The following ZNF573 variants were observed in gnomAD, a reference collection of about 807,000 sequenced individuals.
The protein encoded by ZNF573 is zinc finger protein 573.
A neutral mutation model predicts 57.4 loss-of-function variants in ZNF573; 41 were observed. The ratio of observed to expected loss-of-function variants is 0.71; its 90% confidence interval spans 0.56 to 0.93. The LOEUF is 0.93. Among genes scored for constraint, ZNF573 ranks in the 40% least tolerant of loss-of-function variants. ZNF573 has a pLI of 0.00. For missense variants in ZNF573, 730 were observed against 794.8 expected (o/e 0.92, Z 0.98); for synonymous variants, 249 against 261.0 (o/e 0.95, Z 0.44).
In ZNF573 at chr19:37,774,192, C is replaced by T. The variant is rs1286375806; in HGVS notation, c.-22-441G>A. On this transcript the variant is annotated intron_variant, in intron 1 of 4. Transcript: ENST00000536220. ...TCGCTCTGTTGCCCAGGCTGGAGTG[C>T]AGTGGTGAGATCTTGGCTCGCTGCA... is the stretch of plus-strand genomic sequence containing the variant. Among the ~76,000 whole-genome samples, 3 of 134,232 alleles carry T rather than the reference C, an allele frequency of 2.2e-5. No homozygotes were observed. In the East Asian group the frequency reaches 6.8e-4, roughly 30 times the overall value. 88.1% of individuals were successfully genotyped at this position (134,232 alleles called of 152,430 possible).
At chr19:37,779,330 A>G (rs948553206) in intron 1 of ZNF573, among the ~76,000 whole-genome samples, 7 of 151,890 alleles carry the variant, frequency 4.6e-5, no homozygotes, top group African/African-American at 1.7e-4. Context: ...ACATTCTCTC[A>G]CGTGCGCACT....
rs1568413366 is a variant in ZNF573 at position 37,738,690 on chromosome 19, A to T, written c.1800T>A (p.His600Gln). The T allele has an allele frequency of 4.3e-6, 7 of 1,611,314 alleles. No homozygotes were observed. The highest frequency in any genetic ancestry group is 5.9e-6 in the Non-Finnish European group (7 of 1,179,110). ...AFKMYGYLTQHQKIHTGGKPY... is the reference protein window; with the variant it reads ...AFKMYGYLTQQQKIHTGGKPY... ...GTTTTCCACCAGTATGAATTTTCTG[A>T]TGTTGGGTAAGGTAGCCATACATTT... is the stretch of plus-strand genomic sequence containing the variant. Residue 600 changes from histidine to glutamine, a missense_variant, in exon 5 of 5, where the codon CAT becomes CAA. Transcript: ENST00000536220.
At chr19:37,766,169 T>C (rs1480507043) in intron 4 of ZNF573, among the ~76,000 whole-genome samples, 1 of 152,170 alleles carries the variant, frequency 6.6e-6, no homozygotes, top group Non-Finnish European at 1.5e-5. Flanking sequence ...GAAAAATAAA[T>C]GTTAGAATTA....
rs939438106 is a variant in ZNF573 at position 37,739,591 on chromosome 19, T to A, written c.899A>T (p.Lys300Met). ...TCCACATTTCTCACATATGTATGGC[T>A]TCTCATCAGTATGAAACTGCCCATG... is the stretch of plus-strand genomic sequence containing the variant. The part of the protein sequence containing the change: ...VEHGQFHTDE[K>M]PYICEKCGKA... The change falls in exon 5 of 5, where the codon AAG becomes ATG. Residue 300 changes from lysine to methionine, a missense_variant. Coordinates refer to ENST00000536220, the MANE Select transcript of ZNF573 (RefSeq NM_001172690.2). 10 of 1,614,084 alleles carry A rather than the reference T, an allele frequency of 6.2e-6. No individual in the cohort carries two copies. Among genetic ancestry groups the A allele is most frequent in the Non-Finnish European group, 8.5e-6 (10 of 1,180,006 alleles).
chr19:37,744,311 A>T (rs898307192), intron 4 of ZNF573, among the ~76,000 whole-genome samples: 4 of 151,904 alleles, frequency 2.6e-5, no homozygotes, highest in Admixed American at 1.3e-4. Flanking sequence ...TGCTGGGCTG[A>T]GTGTTCCTGC....
chr19:37,775,869 A>T (rs1163007523), intron 1 of ZNF573, among the ~76,000 whole-genome samples: 1 of 146,352 alleles, frequency 6.8e-6, no homozygotes, highest in African/African-American at 2.4e-5. Context: ...CCACAAAAGA[A>T]AACAAAAACA....
chr19:37,776,184 C>T (rs1163415859), intron 1 of ZNF573, among the ~76,000 whole-genome samples: 1 of 152,178 alleles, frequency 6.6e-6, no homozygotes, highest in African/African-American at 2.4e-5. Flanking sequence ...CAAAGCAAGA[C>T]TAAGCAAAAA....
chr19:37,763,038 G>A (rs1183523064), intron 4 of ZNF573, among the ~76,000 whole-genome samples: 3 of 151,948 alleles, frequency 2.0e-5, no homozygotes, highest in African/African-American at 7.2e-5. Context: ...CTCCCAAAGT[G>A]CTGGGATTAC....
intron 4 of ZNF573, among the ~76,000 whole-genome samples, chr19:37,759,696 C>T (rs947575548): frequency 1.3e-4 from 20 of 151,958 alleles, no homozygotes; most frequent in Middle Eastern, 6.8e-3. Flanking sequence ...CCACTGCACT[C>T]CAGCCTGGGC....
chr19:37,773,717 A>G lies in ZNF573; in HGVS notation c.13T>C (p.Leu5=). 1 of 1,535,760 alleles carries G rather than the reference A, an allele frequency of 6.5e-7. No homozygotes were observed. Among genetic ancestry groups the G allele is most frequent in the Non-Finnish European group, 8.7e-7 (1 of 1,146,634 alleles). MFPV[L]EPHQVGLIRS... is the part of the protein sequence containing the mutation. Reference sequence around the variant, plus strand: ...ATCAGTCCTACTTGGTGGGGTTCCAATACTGGAAACATTCAAACTCCAGAG... The same window carrying G: ...ATCAGTCCTACTTGGTGGGGTTCCAGTACTGGAAACATTCAAACTCCAGAG... The change falls in exon 2 of 5, where the codon TTG becomes CTG. Residue 5 remains leucine (L), a synonymous_variant. Transcript: ENST00000536220.
chr19:37,774,673 A>G (rs1213238791), intron 1 of ZNF573, among the ~76,000 whole-genome samples: 2 of 152,250 alleles, frequency 1.3e-5, no homozygotes, highest in African/African-American at 4.8e-5. Context: ...GAAAATTAAG[A>G]TGAGAAAACA....
At chr19:37,746,343 T>C (rs2045382312) in intron 4 of ZNF573, among the ~76,000 whole-genome samples, 1 of 152,060 alleles carries the variant, frequency 6.6e-6, no homozygotes, top group African/African-American at 2.4e-5. Flanking sequence ...TACACTGGAG[T>C]TGAATAGATA....
At position 37,738,607 on chromosome 19, in the gene ZNF573, T is replaced by C. The variant is rs777951007; in HGVS notation, c.1883A>G (p.His628Arg). ...TTTCTCACCAGTATGAATTCTCTCATGTTGAACAAGGTTTGAAGCACGACT... is the reference window on the plus strand; with the variant it reads ...TTTCTCACCAGTATGAATTCTCTCACGTTGAACAAGGTTTGAAGCACGACT... ...AFSRASNLVQ[H>R]ERIHTGEKPY... is the part of the protein sequence containing the mutation. The change falls in exon 5 of 5, where the codon CAT becomes CGT. Residue 628 changes from histidine to arginine, a missense_variant. Coordinates refer to ENST00000536220, the MANE Select transcript of ZNF573 (RefSeq NM_001172690.2). 12 of 1,611,440 alleles carry C rather than the reference T, an allele frequency of 7.4e-6. No individual in the cohort carries two copies. Among genetic ancestry groups the C allele is most frequent in the Non-Finnish European group, 9.3e-6 (11 of 1,178,882 alleles).
At chr19:37,753,839 T>C (rs2045462300) in intron 4 of ZNF573, among the ~76,000 whole-genome samples, 1 of 152,208 alleles carries the variant, frequency 6.6e-6, no homozygotes, top group South Asian at 2.1e-4. Flanking sequence ...ACTCAGAAAG[T>C]AAAGGAGCAA....
At chr19:37,758,204 T>A (rs1463849289) in intron 4 of ZNF573, among the ~76,000 whole-genome samples, 2,013 of 3,836 alleles carry the variant, frequency 0.52, 260 homozygotes, top group Non-Finnish European at 0.57. Flanking sequence ...TATAATAAAA[T>A]ATATATATAT....
intron 1 of ZNF573, 56 bp downstream of exon 1, chr19:37,779,488 G>C (rs1361075985): frequency 1.3e-5 from 2 of 152,228 alleles, no homozygotes; most frequent in Non-Finnish European, 2.9e-5. Context: ...TGATTGCCCA[G>C]AGCCCTCCCT....
chr19:37,745,322 TTCTG>T (rs1237906014), intron 4 of ZNF573, among the ~76,000 whole-genome samples: 10 of 151,950 alleles, frequency 6.6e-5, no homozygotes, highest in Admixed American at 2.6e-4. Context: ...AGTGATTTGC[TTCTG>T]TCTGCCTCAG....
intron 4 of ZNF573, among the ~76,000 whole-genome samples, chr19:37,767,290 G>A (rs1279037089): frequency 1.3e-5 from 2 of 151,720 alleles, no homozygotes; most frequent in Non-Finnish European, 2.9e-5. Context: ...GTGCAGTGGC[G>A]CGATCTCGGC....
At chr19:37,755,224 T>C in intron 4 of ZNF573, 1 of 152,380 alleles carries the variant, frequency 6.6e-6, no homozygotes, top group Non-Finnish European at 1.5e-5. Context: ...CGCCTCGGCC[T>C]CCCAAAGTGC....
Sources: allele counts gnomAD v4.1 joint callset (sites outside exome capture counted in the v4.1 genomes callset), GRCh38; gene constraint gnomAD v4.1.1; transcripts MANE v1.5; gene names NCBI Gene and HGNC (gene_info 2026-07-23, HGNC 2026-07-21).